Variants in CACNA1D observed in about 807,000 individuals in gnomAD.
CACNA1D encodes voltage-dependent L-type calcium channel subunit alpha-1D.
CACNA1D carries 55 observed loss-of-function variants against 257.1 expected under a neutral mutation model. The ratio of observed to expected loss-of-function variants is 0.21; its 90% CI spans 0.17 to 0.27. CACNA1D has a LOEUF of 0.27. Ranked by LOEUF, CACNA1D falls within the 10% of genes least tolerant of loss-of-function variation. The probability of loss-of-function intolerance (pLI) is 1.00; values close to 1 mark genes in which losing one functional copy is unlikely to be tolerated. For missense variants in CACNA1D, 1,876 were observed against 2,784.0 expected (o/e 0.67, Z 7.34); for synonymous variants, 980 against 1,014.9 (o/e 0.97, Z 0.65).
intron 3 of CACNA1D, among the ~76,000 whole-genome samples, chr3:53,522,994 C>A (rs1258937280): frequency 6.6e-6 from 1 of 152,172 alleles, no homozygotes; most frequent in African/African-American, 2.4e-5. Context: ...TTAGTTCCCA[C>A]ATAAGAGTGA....
At chr3:53,805,980 T>TCCTCCTCCCTCCCTCATCTTCCCA in intron 45 of CACNA1D, among the ~76,000 whole-genome samples, 1 of 107,044 alleles carries the variant, frequency 9.3e-6, no homozygotes, top group Admixed American at 9.6e-5. Context: ...TCATCTTCCC[T>TCCTCCTCCCTCCCTCATCTTCCCA]CCTCCTCCGT....
rs149080601 is a variant in CACNA1D, at chr3:53,604,905, G to T, written c.484-45874G>T. On this transcript the variant is annotated intron_variant, in intron 3 of 47. Coordinates refer to ENST00000350061, the MANE Select transcript of CACNA1D (RefSeq NM_001128840.3). ...TGGGCAGAGTAGCATGCTCACCCCT[G>T]ATGGTGACAGTATCCGTAGTGGGTT... 3.7e-4 allele frequency among the ~76,000 whole-genome samples: 57 copies of T among 152,290 alleles called. 1 individual carries two copies. The East Asian group carries it at 9.7e-3, about 26-fold the overall frequency.
chr3:53,758,069 G>T (rs2095276916), intron 29 of CACNA1D, among the ~76,000 whole-genome samples: 1 of 152,160 alleles, frequency 6.6e-6, no homozygotes, highest in South Asian at 2.1e-4. Context: ...AATGAAGAAA[G>T]GAATAAAGGG....
At chr3:53,676,908 C>T (rs1348524629) in intron 8 of CACNA1D, among the ~76,000 whole-genome samples, 1 of 152,158 alleles carries the variant, frequency 6.6e-6, no homozygotes, top group Non-Finnish European at 1.5e-5. Context: ...GTGGGAGGGG[C>T]TGAGAATGTC....
chr3:53,530,633 C>T (rs1220444163), intron 3 of CACNA1D, among the ~76,000 whole-genome samples: 2 of 152,200 alleles, frequency 1.3e-5, no homozygotes, highest in Non-Finnish European at 2.9e-5. Context: ...ACTGTTGTCA[C>T]CACTTCCATG....
chr3:53,633,232 C>A (rs931793079), intron 3 of CACNA1D, among the ~76,000 whole-genome samples: 6 of 152,342 alleles, frequency 3.9e-5, no homozygotes, highest in African/African-American at 1.2e-4. Context: ...GTGGCTCACG[C>A]CTGTGATCCC....
intron 3 of CACNA1D, among the ~76,000 whole-genome samples, chr3:53,598,542 A>G (rs2093400727): frequency 6.6e-6 from 1 of 151,128 alleles, no homozygotes; most frequent in African/African-American, 2.4e-5. Flanking sequence ...CTGAGATTGC[A>G]CCACTGCACT....
chr3:53,547,312 G>T (rs2092432991), intron 3 of CACNA1D, among the ~76,000 whole-genome samples: 1 of 152,162 alleles, frequency 6.6e-6, no homozygotes, highest in African/African-American at 2.4e-5. Context: ...CAGGCCCTGT[G>T]TTAGGAATGC....
At chr3:53,532,125 C>T (rs1451648063) in intron 3 of CACNA1D, among the ~76,000 whole-genome samples, 1 of 152,142 alleles carries the variant, frequency 6.6e-6, no homozygotes, top group Non-Finnish European at 1.5e-5. Context: ...TGAATTGTCG[C>T]AAAGTTATGT....
In CACNA1D at chr3:53,809,725, C is replaced by T. The variant is rs1576749478; in HGVS notation, c.5872-253C>T. 5.4e-6 allele frequency: 3 copies of T among 550,846 alleles called. No individual in the cohort carries two copies. In the East Asian group the frequency reaches 9.3e-5, roughly 17 times the overall value. 34.1% of individuals were successfully genotyped at this position (550,846 alleles called of 1,614,324 possible). On this transcript the variant is annotated intron_variant, in intron 46 of 47. Transcript: ENST00000350061. ...ATTCTGAAGCAATTTCATGAATTAG[C>T]AACTGATACCTCCTTGGGAAAAGCC...
chr3:53,638,842 C>T (rs565777621), intron 3 of CACNA1D, among the ~76,000 whole-genome samples: 60 of 152,214 alleles, frequency 3.9e-4, no homozygotes, highest in Non-Finnish European at 6.6e-4. Flanking sequence ...AGGGTGGCTC[C>T]ACCTCCCAGA....
intron 3 of CACNA1D, among the ~76,000 whole-genome samples, chr3:53,523,713 C>G (rs1380296475): frequency 6.6e-6 from 1 of 152,250 alleles, no homozygotes; most frequent in Admixed American, 6.5e-5. Flanking sequence ...CTTTGCCACT[C>G]TCATAATTAG....
chr3:53,805,078 A>G lies in CACNA1D; in HGVS notation c.5681A>G (p.Asp1894Gly), dbSNP rs1014488670. The G allele has an allele frequency of 1.2e-6, 2 of 1,614,170 alleles. No individual in the cohort carries two copies. Among genetic ancestry groups the G allele is most frequent in the African/African-American group, 1.3e-5 (1 of 75,020 alleles). Residue 1894 changes from aspartate (D) to glycine (G), a missense_variant, in exon 45 of 48, where the codon GAT becomes GGT. Asp to Gly is a moderately conservative substitution (Grantham distance 94). Transcript: ENST00000350061. The part of the protein sequence containing the change: ...YHHPQGFLED[D>G]DSPVCYDSRR... ...CATCCCCAAGGATTCTTGGAGGACG[A>G]TGACTCGCCCGTTTGCTATGATTCA...
chr3:53,632,557 C>T (rs151175122), intron 3 of CACNA1D, among the ~76,000 whole-genome samples: 7 of 152,366 alleles, frequency 4.6e-5, no homozygotes, highest in Non-Finnish European at 7.3e-5. Context: ...TGGTTTGGTA[C>T]GAAAGGCCTG....
chr3:53,524,117 T>C (rs1297311331), intron 3 of CACNA1D, among the ~76,000 whole-genome samples: 1 of 152,176 alleles, frequency 6.6e-6, no homozygotes, highest in Non-Finnish European at 1.5e-5. Flanking sequence ...AATTCTTCTG[T>C]CCATGGTGAG....
chr3:53,738,227 G>A (rs3796346), intron 20 of CACNA1D, among the ~76,000 whole-genome samples: 4,703 of 152,246 alleles, frequency 0.031, 110 homozygotes, highest in East Asian at 0.096. Context: ...GACTCTGTTG[G>A]GACAACCAAG....
intron 9 of CACNA1D, among the ~76,000 whole-genome samples, chr3:53,707,183 C>T (rs3774542): frequency 0.024 from 3,681 of 152,136 alleles, 49 homozygotes; most frequent in East Asian, 0.058. Flanking sequence ...TCACTGCATG[C>T]GTCTGCGATG....
chr3:53,726,742 A>G, intron 14 of CACNA1D, 137 bp from the exon 15 acceptor site: 5 of 937,982 alleles, frequency 5.3e-6, no homozygotes, highest in African/African-American at 3.2e-5. Flanking sequence ...TCCATGGGAT[A>G]ACAGATGGAT....
Position 53,803,573 on chromosome 3 carries a change from G to A in CACNA1D, c.5585+1G>A. On this transcript the variant is annotated splice_donor_variant, in intron 44 of 47. Transcript: ENST00000350061. LOFTEE classifies it high-confidence loss of function. ...ATGACAGCTCGCCCACCTGGAGCAG[G>A]TGAGCTGCTCTGGCTCCTGTGGAGA... The A allele has an allele frequency of 6.2e-7, 1 of 1,613,650 alleles. No homozygotes were observed. The highest frequency in any genetic ancestry group is 8.5e-7 in the Non-Finnish European group (1 of 1,179,826).
Sources: gnomAD v4.1 joint callset for allele counts (sites outside exome capture counted in the v4.1 genomes callset) on GRCh38, gnomAD v4.1.1 for gene constraint, MANE v1.5 for transcripts, NCBI Gene and HGNC (gene_info 2026-07-23, HGNC 2026-07-21) for gene names.